Variants in DYM observed in about 807,000 individuals in gnomAD.
DYM encodes dyggve-Melchior-Clausen syndrome protein.
Under a neutral mutation model 93.1 loss-of-function variants are expected in DYM, and 78 were observed. The ratio of observed to expected loss-of-function variants is 0.84; its 90% CI spans 0.70 to 1.01. The LOEUF (loss-of-function observed/expected upper bound fraction) is 1.01. DYM is among the 50% of genes least tolerant of loss of function. The pLI is 0.00. For missense variants in DYM, 789 were observed against 845.0 expected (o/e 0.93, Z 0.82); for synonymous variants, 321 against 319.7 (o/e 1.00, Z -0.04).
intron 8 of DYM, among the ~76,000 whole-genome samples, chr18:49,289,492 A>G (rs1213621893): frequency 6.7e-6 from 1 of 148,580 alleles, no homozygotes; most frequent in Non-Finnish European, 1.5e-5. Context: ...GCTTCAGCCC[A>G]GAAGTTGAAG....
At chr18:49,159,656 A>T (rs2086860562) in intron 15 of DYM, among the ~76,000 whole-genome samples, 1 of 152,188 alleles carries the variant, frequency 6.6e-6, no homozygotes, top group Non-Finnish European at 1.5e-5. Flanking sequence ...ACAAGGCAGG[A>T]CAATCACTTG....
chr18:49,201,361 T>A (rs926168885), intron 14 of DYM, among the ~76,000 whole-genome samples: 1 of 152,168 alleles, frequency 6.6e-6, no homozygotes, highest in East Asian at 1.9e-4. Flanking sequence ...TCTTTTTCCA[T>A]CTCTACTGCC....
intron 17 of DYM, among the ~76,000 whole-genome samples, chr18:49,068,081 T>G (rs112788639): frequency 1.3e-5 from 2 of 152,206 alleles, no homozygotes; most frequent in East Asian, 3.8e-4. Context: ...ACAGGGGCAA[T>G]GACTAGTAAT....
chr18:49,278,871 T>C (rs2094907897), intron 10 of DYM, among the ~76,000 whole-genome samples: 1 of 152,232 alleles, frequency 6.6e-6, no homozygotes, highest in Non-Finnish European at 1.5e-5. Flanking sequence ...TCTTTTCTCT[T>C]ATGCTAGGCA....
intron 14 of DYM, among the ~76,000 whole-genome samples, chr18:49,209,130 C>T (rs2092664227): frequency 1.3e-5 from 2 of 152,332 alleles, no homozygotes; most frequent in Admixed American, 1.3e-4. Context: ...CAACTGAATG[C>T]ACCTCTATCG....
rs528149198 is a variant in DYM, at chr18:49,253,164, C to G, written c.1460+3846G>C. On this transcript the variant is annotated intron_variant, in intron 13 of 17. Coordinates refer to ENST00000675505, the MANE Select transcript of DYM (RefSeq NM_001353214.3). The stretch of plus-strand genomic sequence containing the variant: ...TGTTGAAGATCATGTGAAATACTGA[C>G]TCTTCTAAGTTTTGCAACTGACAAA... Among the ~76,000 whole-genome samples, 85 of 152,306 alleles carry G rather than the reference C, an allele frequency of 5.6e-4. 2 individuals are homozygous for G. Among genetic ancestry groups the G allele is most frequent in the Non-Finnish European group, 1.0e-3 (71 of 68,018 alleles).
intron 14 of DYM, among the ~76,000 whole-genome samples, chr18:49,177,796 T>A (rs564674187): frequency 6.6e-6 from 1 of 152,228 alleles, no homozygotes; most frequent in African/African-American, 2.4e-5. Flanking sequence ...ATTCCTCTTT[T>A]CTTCTTTTAA....
Position 49,282,126 on chromosome 18 carries a change from A to G in DYM, c.996T>C (p.Phe332=). ...SSIPHAFQIN[F]NSLYTALCEQ... The stretch of plus-strand genomic sequence containing the variant: ...CACAAAGAGCTGTGTACAAACTATT[A>G]AAGTTGATCTGGAAGGCATGTGGAA... The change falls in exon 10 of 18, where the codon TTT becomes TTC. Residue 332 remains phenylalanine, a synonymous_variant. Transcript: ENST00000675505. 1.2e-6 allele frequency: 2 copies of G among 1,614,000 alleles called. No individual in the cohort carries two copies. Among genetic ancestry groups the G allele is most frequent in the Non-Finnish European group, 1.7e-6 (2 of 1,179,948 alleles).
At chr18:49,334,476 A>T (rs899181789) in intron 6 of DYM, among the ~76,000 whole-genome samples, 1 of 152,190 alleles carries the variant, frequency 6.6e-6, no homozygotes, top group African/African-American at 2.4e-5. Context: ...CAAGTCTTAG[A>T]TCAAATAAAA....
At chr18:49,272,946 G>A (rs1020485690) in intron 10 of DYM, among the ~76,000 whole-genome samples, 3 of 151,906 alleles carry the variant, frequency 2.0e-5, no homozygotes, top group Admixed American at 2.0e-4. Context: ...AAGATGGGCA[G>A]ACTATCTACA....
chr18:49,110,775 TTAAA>T (rs2081316147), intron 16 of DYM, among the ~76,000 whole-genome samples: 1 of 152,232 alleles, frequency 6.6e-6, no homozygotes, highest in Non-Finnish European at 1.5e-5. Context: ...TATTATCTCT[TTAAA>T]TATTTCTTCT....
intron 6 of DYM, among the ~76,000 whole-genome samples, chr18:49,348,149 A>G (rs2064767561): frequency 6.6e-6 from 1 of 152,236 alleles, no homozygotes; most frequent in Non-Finnish European, 1.5e-5. Flanking sequence ...GTCAACGAAT[A>G]CAGAGGAAAA....
intron 9 of DYM, among the ~76,000 whole-genome samples, chr18:49,285,659 G>A (rs531754549): frequency 1.1e-3 from 163 of 152,342 alleles, no homozygotes; most frequent in Middle Eastern, 3.4e-3. Context: ...ACGCCATCTA[G>A]GTTTGTCTAA....
At chr18:49,170,553 G>A (rs566121739) in intron 14 of DYM, among the ~76,000 whole-genome samples, 6 of 152,022 alleles carry the variant, frequency 3.9e-5, no homozygotes, top group East Asian at 3.9e-4. Flanking sequence ...AGGCTGAGGC[G>A]GGTGGATCAT....
chr18:49,157,980 T>C (rs1205757265), intron 15 of DYM, among the ~76,000 whole-genome samples: 2 of 152,214 alleles, frequency 1.3e-5, no homozygotes, highest in African/African-American at 2.4e-5. Flanking sequence ...ACACCTATTA[T>C]ACACCAGACA....
At chr18:49,216,196 G>A (rs995817848) in intron 13 of DYM, among the ~76,000 whole-genome samples, 1 of 152,226 alleles carries the variant, frequency 6.6e-6, no homozygotes, top group Admixed American at 6.5e-5. Context: ...GCGAGGCTGG[G>A]GGAGGGGCGC....
intron 5 of DYM, among the ~76,000 whole-genome samples, chr18:49,363,736 C>T (rs2066264251): frequency 6.6e-6 from 1 of 152,176 alleles, no homozygotes; most frequent in South Asian, 2.1e-4. Flanking sequence ...GACTGAACCC[C>T]ATTAAAGAGG....
intron 1 of DYM, among the ~76,000 whole-genome samples, chr18:49,459,491 C>T (rs867525185): frequency 9.9e-5 from 15 of 152,236 alleles, no homozygotes; most frequent in Admixed American, 2.0e-4. Flanking sequence ...ACTCATCAGC[C>T]TAAGCACCTG....
chr18:49,275,700 G>C (rs1309841282), intron 10 of DYM, among the ~76,000 whole-genome samples: 4 of 152,096 alleles, frequency 2.6e-5, no homozygotes, highest in African/African-American at 7.2e-5. Flanking sequence ...AACATAGCAA[G>C]ACCCTATCTC....
Sources: gnomAD v4.1 joint callset for allele counts (sites outside exome capture counted in the v4.1 genomes callset) on GRCh38, gnomAD v4.1.1 for gene constraint, MANE v1.5 for transcripts, NCBI Gene and HGNC (gene_info 2026-07-23, HGNC 2026-07-21) for gene names.